Variants in RAPGEF4 observed in about 807,000 individuals in gnomAD.
RAPGEF4 encodes the protein Rap guanine nucleotide exchange factor 4, also known as RAP guanine-nucleotide-exchange factor (GEF) 4.
A neutral mutation model predicts 147.9 loss-of-function variants in RAPGEF4; 66 were observed. That is an observed-to-expected ratio of 0.45 (90% CI 0.37 to 0.55). RAPGEF4 has a LOEUF of 0.55. Ranked by LOEUF, RAPGEF4 falls within the 20% of genes least tolerant of loss-of-function variation. The pLI, the probability that RAPGEF4 is intolerant of heterozygous loss-of-function variation, is 0.00. For synonymous variants in RAPGEF4, 419 were observed against 442.7 expected, an observed-to-expected ratio of 0.95 and a Z score of 0.67; for missense variants, 1,071 against 1,257.3, an observed-to-expected ratio of 0.85 and a Z score of 2.24.
chr2:172,906,582 A>G (rs1699655375), intron 4 of RAPGEF4, among the ~76,000 whole-genome samples: 1 of 152,180 alleles, frequency 6.6e-6, no homozygotes, highest in African/African-American at 2.4e-5. Context: ...CAGTTGTGGG[A>G]AGGGGTGTGC....
At chr2:173,025,567 C>T (rs7595061) in intron 23 of RAPGEF4, among the ~76,000 whole-genome samples, 105,525 of 152,148 alleles carry the variant, frequency 0.69, 39,053 homozygotes, top group East Asian at 0.88. Flanking sequence ...CTCAGCCTCC[C>T]GAGTAGCTGG....
At chr2:173,013,492 G>C (rs1304323678) in intron 17 of RAPGEF4, among the ~76,000 whole-genome samples, 1 of 152,222 alleles carries the variant, frequency 6.6e-6, no homozygotes, top group Non-Finnish European at 1.5e-5. Flanking sequence ...ATTGTAAATA[G>C]TGAAGAGTAA....
rs191692984 is a variant in RAPGEF4, at chr2:172,878,850, C to T, written c.445-38952C>T. 3.3e-3 allele frequency among the ~76,000 whole-genome samples: 503 copies of T among 152,174 alleles called. 3 individuals are homozygous for T. The highest frequency in any genetic ancestry group is 0.011 in the African/African-American group (470 of 41,526). On this transcript the variant is annotated intron_variant, in intron 4 of 30. Transcript: ENST00000397081. ...GTAGTCATAAAGACGTAAATGGAGACAATTAGATATGCTTTTTCACTCACC... is the reference window on the plus strand; with the variant it reads ...GTAGTCATAAAGACGTAAATGGAGATAATTAGATATGCTTTTTCACTCACC...
At chr2:172,774,467 C>A (rs564271961) in intron 1 of RAPGEF4, among the ~76,000 whole-genome samples, 4 of 152,184 alleles carry the variant, frequency 2.6e-5, no homozygotes. Flanking sequence ...TTTCCTACCC[C>A]CATGCCTTTA....
At chr2:172,736,221 C>A (rs1020321218) in intron 1 of RAPGEF4, 173 bp downstream of exon 1, 12 of 398,540 alleles carry the variant, frequency 3.0e-5, no homozygotes, top group African/African-American at 2.3e-4. Flanking sequence ...CAAGGATCCC[C>A]GCCTCTCGTG....
chr2:172,766,574 A>G (rs1696865568), intron 1 of RAPGEF4, among the ~76,000 whole-genome samples: 1 of 151,974 alleles, frequency 6.6e-6, no homozygotes, highest in Admixed American at 6.6e-5. Context: ...GTACATTTTG[A>G]CTTATGTGTA....
At chr2:172,852,155 C>T (rs1361458613) in intron 4 of RAPGEF4, among the ~76,000 whole-genome samples, 1 of 152,116 alleles carries the variant, frequency 6.6e-6, no homozygotes, top group Non-Finnish European at 1.5e-5. Flanking sequence ...ACTCTGCAGA[C>T]AGTGTCACCA....
intron 4 of RAPGEF4, among the ~76,000 whole-genome samples, chr2:172,905,819 A>C (rs1237205611): frequency 1.3e-5 from 2 of 152,232 alleles, no homozygotes; most frequent in East Asian, 3.8e-4. Flanking sequence ...TATCACTGAA[A>C]GGGCTTCGAA....
intron 4 of RAPGEF4, among the ~76,000 whole-genome samples, chr2:172,878,476 G>T (rs1235616089): frequency 6.6e-6 from 1 of 152,140 alleles, no homozygotes; most frequent in Non-Finnish European, 1.5e-5. Context: ...TGTCCAGATT[G>T]CAGTGTGTGA....
At chr2:172,829,254 G>A (rs1364224854) in intron 4 of RAPGEF4, among the ~76,000 whole-genome samples, 1 of 152,252 alleles carries the variant, frequency 6.6e-6, no homozygotes, top group Non-Finnish European at 1.5e-5. Context: ...TTCAGCAGGA[G>A]TTCTGCTGAT....
chr2:173,017,355 G>A (rs1279940751), intron 20 of RAPGEF4, 71 bp from the exon 21 acceptor site: 3 of 1,499,378 alleles, frequency 2.0e-6, no homozygotes, highest in African/African-American at 2.8e-5. Context: ...CTTCTCAGAT[G>A]TGTCTTCTCT....
intron 4 of RAPGEF4, among the ~76,000 whole-genome samples, chr2:172,897,451 T>A (rs1202417488): frequency 6.6e-6 from 1 of 151,926 alleles, no homozygotes; most frequent in Non-Finnish European, 1.5e-5. Flanking sequence ...CGGACCAGAG[T>A]GCAGTGGTGT....
chr2:172,737,495 G>A (rs1574640685), intron 1 of RAPGEF4, among the ~76,000 whole-genome samples: 1 of 152,040 alleles, frequency 6.6e-6, no homozygotes, highest in Non-Finnish European at 1.5e-5. Flanking sequence ...GCATGGCATG[G>A]CATTTTTTGA....
At chr2:172,846,928 C>A (rs766497751) in intron 4 of RAPGEF4, among the ~76,000 whole-genome samples, 1 of 152,122 alleles carries the variant, frequency 6.6e-6, no homozygotes, top group African/African-American at 2.4e-5. Flanking sequence ...TTTGGAATTG[C>A]CTGTTTGCAT....
intron 1 of RAPGEF4, among the ~76,000 whole-genome samples, chr2:172,759,258 A>C (rs6745299): frequency 6.6e-6 from 1 of 152,220 alleles, no homozygotes; most frequent in Admixed American, 6.5e-5. Flanking sequence ...AGAAGCTGGC[A>C]GTACTAAAAA....
intron 15 of RAPGEF4, among the ~76,000 whole-genome samples, chr2:172,995,296 T>A (rs1231138054): frequency 6.7e-6 from 1 of 149,948 alleles, no homozygotes; most frequent in Non-Finnish European, 1.5e-5. Flanking sequence ...TGTGTTTGTA[T>A]TTTGAGATGG....
At chr2:173,012,468 T>C (rs1575516132) in intron 17 of RAPGEF4, among the ~76,000 whole-genome samples, 1 of 152,224 alleles carries the variant, frequency 6.6e-6, no homozygotes, top group African/African-American at 2.4e-5. Flanking sequence ...TGCCAAAGCC[T>C]GATGTCATCC....
Position 172,785,033 on chromosome 2 carries a change from C to T in RAPGEF4, c.66-9992C>T, listed in dbSNP as rs199676699. ...AGAGATGGGGTTTTGCCATGTTGGTCAGGCTGGTCTTGAACTCTTGACCTC... is the reference window on the plus strand; with the variant it reads ...AGAGATGGGGTTTTGCCATGTTGGTTAGGCTGGTCTTGAACTCTTGACCTC... On this transcript the variant is annotated intron_variant, in intron 1 of 30. Coordinates refer to ENST00000397081, the MANE Select transcript of RAPGEF4 (RefSeq NM_007023.4). 3.3e-5 allele frequency among the ~76,000 whole-genome samples: 5 copies of T among 152,302 alleles called. 1 individual carries two copies. In the East Asian group the frequency reaches 7.7e-4, roughly 23 times the overall value.
At chr2:172,967,118 G>A in intron 9 of RAPGEF4, 143 bp from the exon 10 acceptor site, 2 of 748,728 alleles carry the variant, frequency 2.7e-6, no homozygotes, top group Non-Finnish European at 4.3e-6. Flanking sequence ...CACAGTCTGG[G>A]CAGGGCAGAG....
Sources: allele counts gnomAD v4.1 joint callset (sites outside exome capture counted in the v4.1 genomes callset), GRCh38; gene constraint gnomAD v4.1.1; transcripts MANE v1.5; gene names NCBI Gene and HGNC (gene_info 2026-07-23, HGNC 2026-07-21).